Variants in ACVRL1 observed in about 807,000 individuals in gnomAD.
The protein encoded by ACVRL1 is activin receptor type-1-like.
ACVRL1 carries 20 observed loss-of-function variants against 51.9 expected under a neutral mutation model. The ratio of observed to expected loss-of-function variants is 0.39; its 90% confidence interval spans 0.27 to 0.56. ACVRL1 has a LOEUF of 0.56. Ranked by LOEUF, ACVRL1 falls within the 20% of genes least tolerant of loss-of-function variation. The probability of loss-of-function intolerance (pLI) is 0.67; values close to 1 mark genes in which losing one functional copy is unlikely to be tolerated. For missense variants in ACVRL1, 451 were observed against 670.3 expected (o/e 0.67, Z 3.61); for synonymous variants, 288 against 280.9 (o/e 1.03, Z -0.25).
chr12:51,916,671 G>A (rs1940847476), intron 8 of ACVRL1, among the ~76,000 whole-genome samples: 1 of 152,214 alleles, frequency 6.6e-6, no homozygotes. Context: ...ACCTCTCTGT[G>A]CCTCAGCTTC....
intron 6 of ACVRL1, 69 bp from the exon 7 acceptor site, chr12:51,915,156 G>T: frequency 1.3e-6 from 2 of 1,564,862 alleles, no homozygotes; most frequent in Non-Finnish European, 1.8e-6. Context: ...ACCCCACCCT[G>T]ACCCTGACGA....
rs1940871337 is a variant in ACVRL1 at position 51,917,648 on chromosome 12, A to T, written c.1247-1337A>T. 6.6e-6 allele frequency among the ~76,000 whole-genome samples: 1 copy of T among 152,030 alleles called. No individual in the cohort carries two copies. ...ACTTCATTTGTCCTCGGTGGTCATC[A>T]ACTGAAAACAGAGGCTGTGGTGTCA... On this transcript the variant is annotated intron_variant, in intron 8 of 9. Transcript: ENST00000388922. This position sits in a 1 kb window ranked among gnomAD's most constrained non-coding sequence, Gnocchi z 4.2.
At position 51,913,350 on chromosome 12, in the gene ACVRL1, G is replaced by A. The variant is rs1477034261; in HGVS notation, c.313G>A (p.Ala105Thr). ...CCACAACGTGTCCCTGGTGCTGGAG[G>A]GTACGTCCAGCTGCCCTAGCACTCC... ...CNHNVSLVLE[A>T]TQPPSEQPGT... The change falls in exon 3 of 10, where the codon GCC (alanine) becomes ACC (threonine). Residue 105 changes from alanine (A) to threonine (T), a missense_variant and splice_region_variant. Ala to Thr is a moderately conservative substitution (Grantham distance 58, BLOSUM62 0). Around this residue, in one of 2 missense-constraint regions of ACVRL1, gnomAD observed 192 missense variants for 216.9 expected, o/e 0.89. Transcript: ENST00000388922. 2 of 1,611,704 alleles carry A rather than the reference G, an allele frequency of 1.2e-6. No homozygotes were observed. Among genetic ancestry groups the A allele is most frequent in the African/African-American group, 1.3e-5 (1 of 74,850 alleles).
rs894721493 is a variant in ACVRL1, at chr12:51,921,689, T to C, written c.*796T>C. 3.9e-5 allele frequency: 6 copies of C among 152,220 alleles called. No homozygotes were observed. The highest frequency in any genetic ancestry group is 1.3e-4 in the Admixed American group (2 of 15,286). 9.4% of individuals were successfully genotyped at this position (152,220 alleles called of 1,614,324 possible). A position where few individuals can be genotyped will look rare whatever the true frequency, so the allele number is the denominator to read the frequency against. On this transcript the variant is annotated 3_prime_UTR_variant, in exon 10 of 10. Coordinates refer to ENST00000388922, the MANE Select transcript of ACVRL1 (RefSeq NM_000020.3). ...GGTCTGACCCCGGATGTTTGCTCCA[T>C]GTGACAAAAGCAGGCCTGTCTCAGG...
rs542703269 is a variant in ACVRL1 at position 51,920,343 on chromosome 12, G to A, written c.1378-416G>A. Reference sequence around the variant, plus strand: ...TGGGAGCCCCCAGGCTTGAAGAATCGGCCCCTTCCTATGGATCTTGGCAAA... The same window carrying A: ...TGGGAGCCCCCAGGCTTGAAGAATCAGCCCCTTCCTATGGATCTTGGCAAA... On this transcript the variant is annotated intron_variant, in intron 9 of 9. Transcript: ENST00000388922. Among the ~76,000 whole-genome samples the A allele has an allele frequency of 2.6e-5, 4 of 152,248 alleles. No homozygotes were observed. The South Asian group carries it at 8.3e-4, about 32-fold the overall frequency.
intron 8 of ACVRL1, among the ~76,000 whole-genome samples, chr12:51,918,241 A>G (rs1268961952): frequency 6.6e-6 from 1 of 152,200 alleles, no homozygotes; most frequent in East Asian, 1.9e-4. Context: ...ACACTGGGTG[A>G]TGTTATGTGG....
In ACVRL1 at chr12:51,913,101, G is replaced by T; in HGVS notation, c.64G>T (p.Asp22Tyr). ...MLLMALVTQG[D>Y]PVKPSRGPLV... ...TGAGCTTCCGGTGTGTCTTCCAGGA[G>T]ACCCTGTGAAGCCGTCTCGGGGCCC... The change falls in exon 3 of 10, where the codon GAC (aspartate) becomes TAC (tyrosine). Residue 22 changes from aspartate (D) to tyrosine (Y), a missense_variant and splice_region_variant. Coordinates refer to ENST00000388922, the MANE Select transcript of ACVRL1 (RefSeq NM_000020.3). 6.2e-7 allele frequency: 1 copy of T among 1,603,392 alleles called. No individual in the cohort carries two copies. Among genetic ancestry groups the T allele is most frequent in the Non-Finnish European group, 8.5e-7 (1 of 1,179,112 alleles).
intron 9 of ACVRL1, 103 bp downstream of exon 9, chr12:51,919,218 T>A (rs1242183577): frequency 6.4e-7 from 1 of 1,558,482 alleles, no homozygotes. Context: ...ATCTCATAGA[T>A]ACTGAGTGTC....
intron 7 of ACVRL1, 104 bp from the exon 8 acceptor site, chr12:51,915,932 G>A (rs1565594779): frequency 4.6e-6 from 6 of 1,304,868 alleles, no homozygotes; most frequent in Admixed American, 2.0e-5. Context: ...GTCTCCATCT[G>A]CCTTCCCCTC....
At position 51,921,231 on chromosome 12, in the gene ACVRL1, C is replaced by A; in HGVS notation, c.*338C>A. The A allele has an allele frequency of 2.7e-6, 1 of 375,792 alleles. No individual in the cohort carries two copies. Among genetic ancestry groups the A allele is most frequent in the Non-Finnish European group, 5.1e-6 (1 of 194,368 alleles). 23.3% of individuals were successfully genotyped at this position (375,792 alleles called of 1,614,324 possible). On this transcript the variant is annotated 3_prime_UTR_variant, in exon 10 of 10. Coordinates refer to ENST00000388922, the MANE Select transcript of ACVRL1 (RefSeq NM_000020.3). ...AGCCAGGGAATCCCAGTCCCAGACTCAGAGCCCGGGCCTGCACTTTGCCCC... is the reference window on the plus strand; with the variant it reads ...AGCCAGGGAATCCCAGTCCCAGACTAAGAGCCCGGGCCTGCACTTTGCCCC...
At chr12:51,910,539 C>T (rs949700579) in intron 1 of ACVRL1, among the ~76,000 whole-genome samples, 5 of 152,138 alleles carry the variant, frequency 3.3e-5, no homozygotes, top group East Asian at 1.9e-4. Context: ...GACTGGGGCA[C>T]GGCCAGAGAA....
At chr12:51,913,490 G>C in intron 3 of ACVRL1, 69 bp from the exon 4 acceptor site, 2 of 1,541,942 alleles carry the variant, frequency 1.3e-6, no homozygotes, top group Non-Finnish European at 1.7e-6. Context: ...CTAACTGGCA[G>C]AGTGGTCTGG....
chr12:51,915,590 T>C (rs774731352), intron 7 of ACVRL1, 90 bp downstream of exon 7: 10 of 1,477,182 alleles, frequency 6.8e-6, no homozygotes, highest in Non-Finnish European at 9.0e-6. Flanking sequence ...TGACCATGAT[T>C]AGCACTTGAA....
intron 3 of ACVRL1, 49 bp downstream of exon 3, chr12:51,913,399 C>T (rs201384841): frequency 6.3e-7 from 1 of 1,597,748 alleles, no homozygotes; most frequent in African/African-American, 1.3e-5. Flanking sequence ...TGGCCCCTGC[C>T]CTCCCTTCCC....
intron 4 of ACVRL1, 50 bp from the exon 5 acceptor site, chr12:51,913,924 G>C: frequency 1.9e-6 from 3 of 1,599,718 alleles, no homozygotes; most frequent in Non-Finnish European, 2.6e-6. Flanking sequence ...ATAGAGAAGG[G>C]GGCTGTGGCT....
chr12:51,914,348 G>T (rs767330236), intron 5 of ACVRL1, 91 bp from the exon 6 acceptor site: 1 of 1,572,678 alleles, frequency 6.4e-7, no homozygotes, highest in Non-Finnish European at 8.7e-7. Flanking sequence ...GGTGGGGTGG[G>T]CGAGGGAGGC....
Position 51,920,888 on chromosome 12 carries a change from C to T in ACVRL1, c.1507C>T (p.Gln503Ter), listed in dbSNP as rs1565597552. Residue 503 changes from glutamine (Q) to a stop codon, truncating the protein, a stop_gained, in exon 10 of 10, where the codon CAA (glutamine) becomes TAA (stop). Transcript: ENST00000388922. LOFTEE classifies it high-confidence loss of function. Reference protein sequence around the residue: ...SNSPEKPKVIQ With the variant: ...SNSPEKPKVI ...CAGTCCAGAGAAGCCTAAAGTGATT[C>T]AATAGCCCAGGAGCACCTGATTCCT... 1 of 1,416,230 alleles carries T rather than the reference C, an allele frequency of 7.1e-7. No homozygotes were observed. Among genetic ancestry groups the T allele is most frequent in the Non-Finnish European group, 9.5e-7 (1 of 1,051,496 alleles). The allele number at this position is 1,416,230 out of a possible 1,614,324, so 87.7% of individuals were successfully genotyped here.
In ACVRL1 at chr12:51,912,381, C is replaced by CT. The variant is rs1206786731; in HGVS notation, c.-5-88dup. On this transcript the variant is annotated intron_variant, in intron 1 of 9. Transcript: ENST00000388922. Reference sequence around the variant, plus strand: ...CCCTGCCTCCCCTCCAAAAAAAACTCTGTGATTTCCTCTGGGCAGGAGGGA... The same window carrying CT: ...CCCTGCCTCCCCTCCAAAAAAAACTCTTGTGATTTCCTCTGGGCAGGAGGGA... 7.5e-5 allele frequency: 110 copies of CT among 1,466,082 alleles called. 3 individuals carry two copies. In the South Asian group the frequency reaches 1.2e-3, roughly 16 times the overall value. 90.8% of individuals were successfully genotyped at this position (1,466,082 alleles called of 1,614,324 possible).
chr12:51,912,614 G>A (rs1265895989), intron 2 of ACVRL1, 79 bp downstream of exon 2: 2 of 1,263,544 alleles, frequency 1.6e-6, no homozygotes, highest in Admixed American at 3.6e-5. Context: ...GCTCTGCCTG[G>A]GGCTGAACTT....
Sources: gnomAD v4.1 joint callset for allele counts (sites outside exome capture counted in the v4.1 genomes callset) on GRCh38, gnomAD v4.1.1 for gene constraint, gnomAD v4.1.1 regional missense constraint, Gnocchi (gnomAD v3.1) non-coding constraint, MANE v1.5 for transcripts, NCBI Gene and HGNC (gene_info 2026-07-23, HGNC 2026-07-21) for gene names.